Variants in RNF19B observed in about 807,000 individuals in gnomAD.
RNF19B encodes the protein ring finger protein 19B.
RNF19B carries 23 observed loss-of-function variants against 65.5 expected under a neutral mutation model. That is an observed-to-expected ratio of 0.35 (90% CI 0.25 to 0.50). The LOEUF (loss-of-function observed/expected upper bound fraction) is 0.50. Among genes scored for constraint, RNF19B ranks in the 20% least tolerant of loss-of-function variants. The probability of loss-of-function intolerance (pLI) is 0.98; values close to 1 mark genes in which losing one functional copy is unlikely to be tolerated. For missense variants in RNF19B, 794 were observed against 980.0 expected, an observed-to-expected ratio of 0.81 and a Z score of 2.53; for synonymous variants, 372 against 379.6, an observed-to-expected ratio of 0.98 and a Z score of 0.23.
intron 8 of RNF19B, 150 bp from the exon 9 acceptor site, chr1:32,937,409 C>G (rs565217910): frequency 8.2e-7 from 1 of 1,220,902 alleles, no homozygotes; most frequent in Middle Eastern, 2.2e-4. Context: ...ACATTTTAAT[C>G]TAACACTCAA....
At chr1:32,959,326 C>A (rs748514087) in intron 1 of RNF19B, among the ~76,000 whole-genome samples, 3 of 152,142 alleles carry the variant, frequency 2.0e-5, no homozygotes, top group Non-Finnish European at 4.4e-5. Flanking sequence ...CCCCTGTACA[C>A]CAGGAAATTT....
intron 3 of RNF19B, among the ~76,000 whole-genome samples, chr1:32,947,228 C>T (rs954283345): frequency 1.1e-4 from 16 of 152,222 alleles, no homozygotes; most frequent in Non-Finnish European, 2.1e-4. Context: ...CTCAAATGTT[C>T]GACAAATTGG....
chr1:32,934,976 T>C (rs1042046876), downstream of RNF19B, among the ~76,000 whole-genome samples: 1 of 137,066 alleles, frequency 7.3e-6, no homozygotes, highest in Non-Finnish European at 1.6e-5. Flanking sequence ...GGACTACAGG[T>C]GTGCGCCACC....
At chr1:32,950,801 T>C (rs1642476514) in intron 1 of RNF19B, among the ~76,000 whole-genome samples, 1 of 151,510 alleles carries the variant, frequency 6.6e-6, no homozygotes, top group Non-Finnish European at 1.5e-5. Flanking sequence ...CCTCCCAAAG[T>C]GCTGGAATTA....
At chr1:32,945,456 G>T in intron 5 of RNF19B, 58 bp downstream of exon 5, 3 of 1,097,936 alleles carry the variant, frequency 2.7e-6, no homozygotes, top group Non-Finnish European at 4.2e-6. Flanking sequence ...TGGCCATCTG[G>T]CTAAACTGCT....
chr1:32,948,439 G>A (rs144040326), intron 2 of RNF19B, 76 bp from the exon 3 acceptor site: 19,248 of 1,474,936 alleles, frequency 0.013, 192 homozygotes, highest in Middle Eastern at 0.017. Flanking sequence ...GTTCCTAGGA[G>A]TATATATAAG....
At position 32,942,341 on chromosome 1, in the gene RNF19B, A is replaced by C; in HGVS notation, c.1521T>G (p.Gly507=). 1 of 1,614,192 alleles carries C rather than the reference A, an allele frequency of 6.2e-7. No individual in the cohort carries two copies. Among genetic ancestry groups the C allele is most frequent in the Non-Finnish European group, 8.5e-7 (1 of 1,180,016 alleles). ...SPTDGLSVMQ[G]PYSETASFAA... ...CAAAGCTGGCCGTTTCGCTGTAAGG[A>C]CCTTGCATAACACTAAGTCCATCTG... The change falls in exon 7 of 9, where the codon GGT becomes GGG. Residue 507 remains glycine, a synonymous_variant. Transcript: ENST00000235150.
downstream of RNF19B, among the ~76,000 whole-genome samples, chr1:32,936,264 A>T (rs991311248): frequency 6.6e-6 from 1 of 152,210 alleles, no homozygotes; most frequent in Non-Finnish European, 1.5e-5. Flanking sequence ...GTCCAAAACA[A>T]GCCTAGCTTT....
At chr1:32,963,908 G>A in intron 1 of RNF19B, 143 bp downstream of exon 1, 3 of 1,308,772 alleles carry the variant, frequency 2.3e-6, no homozygotes, top group Non-Finnish European at 2.9e-6. Flanking sequence ...CACTAGTCTG[G>A]GCTTGCCTGA....
At chr1:32,941,341 G>A (rs549810777) in intron 7 of RNF19B, among the ~76,000 whole-genome samples, 1 of 152,050 alleles carries the variant, frequency 6.6e-6, no homozygotes, top group African/African-American at 2.4e-5. Flanking sequence ...TCAGGAGCTT[G>A]AGACCAGCCT....
chr1:32,935,423 G>A (rs369437343), downstream of RNF19B, among the ~76,000 whole-genome samples: 69 of 152,318 alleles, frequency 4.5e-4, no homozygotes, highest in South Asian at 0.014. Context: ...ACAGGCGTGA[G>A]CCACTGTGCC....
At chr1:32,949,537 T>G in intron 2 of RNF19B, 32 bp downstream of exon 2, 1 of 1,588,772 alleles carries the variant, frequency 6.3e-7, no homozygotes, top group Non-Finnish European at 8.6e-7. Flanking sequence ...AAATACCAAA[T>G]AAAGAGACAA....
At chr1:32,939,044 C>A (rs1642172998) in intron 7 of RNF19B, among the ~76,000 whole-genome samples, 1 of 152,212 alleles carries the variant, frequency 6.6e-6, no homozygotes, top group Non-Finnish European at 1.5e-5. Context: ...TTTGCACATG[C>A]TATTCTGTCT....
chr1:32,933,359 A>G (rs937411804), downstream of RNF19B, among the ~76,000 whole-genome samples: 1 of 151,394 alleles, frequency 6.6e-6, no homozygotes, highest in African/African-American at 2.4e-5. Flanking sequence ...GGTTCACGCC[A>G]TTCTCCTGCC....
In RNF19B at chr1:32,951,547, T is replaced by C. The variant is rs77081271; in HGVS notation, c.636-1773A>G. Among the ~76,000 whole-genome samples, 769 of 152,356 alleles carry C rather than the reference T, an allele frequency of 5.0e-3. 6 individuals are homozygous for C. The highest frequency in any genetic ancestry group is 0.017 in the African/African-American group (688 of 41,586). ...CAAGCAGTCAGGCAGTTGGAAAGCA[T>C]GCTGCCTTTTTCATTCTTAAGTTCC... On this transcript the variant is annotated intron_variant, in intron 1 of 8. Coordinates refer to ENST00000235150, the MANE Select transcript of RNF19B (RefSeq NM_001300826.2).
intron 5 of RNF19B, 35 bp from the exon 6 acceptor site, chr1:32,944,194 T>C: frequency 6.3e-7 from 1 of 1,584,194 alleles, no homozygotes; most frequent in South Asian, 1.1e-5. Flanking sequence ...CAGCTGGCTA[T>C]TAGGTTGCAA....
intron 1 of RNF19B, 127 bp downstream of exon 1, chr1:32,963,913 GCCTGATGGTTA>G (rs1642834069): frequency 1.5e-6 from 2 of 1,320,050 alleles, no homozygotes; most frequent in Non-Finnish European, 1.9e-6. Flanking sequence ...GTCTGGGCTT[GCCTGATGGTTA>G]CCACCCCGCC....
chr1:32,954,128 C>CT (rs1428173372), intron 1 of RNF19B, among the ~76,000 whole-genome samples: 3 of 151,172 alleles, frequency 2.0e-5, no homozygotes, highest in African/African-American at 7.3e-5. Flanking sequence ...CCAGGCTGGT[C>CT]TCGAACTCCT....
chr1:32,937,379 G>C, intron 8 of RNF19B, 120 bp from the exon 9 acceptor site: 2 of 1,457,570 alleles, frequency 1.4e-6, no homozygotes, highest in Non-Finnish European at 1.9e-6. Flanking sequence ...GTTAACTAGA[G>C]CTCACTTTTA....
Sources: gnomAD v4.1 joint callset for allele counts (sites outside exome capture counted in the v4.1 genomes callset) on GRCh38, gnomAD v4.1.1 for gene constraint, MANE v1.5 for transcripts, NCBI Gene and HGNC (gene_info 2026-07-23, HGNC 2026-07-21) for gene names.